ARHGEF38: variants seen among roughly 807,000 people sequenced by gnomAD.
ARHGEF38 encodes the protein Rho guanine nucleotide exchange factor 38.
Under a neutral mutation model 79.9 loss-of-function variants are expected in ARHGEF38, and 79 were observed. That is an observed-to-expected ratio of 0.99 (90% CI 0.82 to 1.19). The LOEUF (loss-of-function observed/expected upper bound fraction) is 1.19, where lower values mean the gene tolerates loss of function less well. Ranked by LOEUF, ARHGEF38 falls within the 50% of genes most tolerant of loss-of-function variation. ARHGEF38 has a pLI of 0.00. For synonymous variants in ARHGEF38, 366 were observed against 328.3 expected (o/e 1.11, Z -1.24); for missense variants, 962 against 907.2 (o/e 1.06, Z -0.78).
intron 1 of ARHGEF38, among the ~76,000 whole-genome samples, chr4:105,565,747 C>T (rs1194463743): frequency 6.6e-6 from 1 of 152,082 alleles, no homozygotes; most frequent in Non-Finnish European, 1.5e-5. Flanking sequence ...CAGAACTTAT[C>T]ACCTTATCTC....
rs78722174 is a variant in ARHGEF38 at position 105,630,221 on chromosome 4, C to T, written c.509-677C>T. On this transcript the variant is annotated intron_variant, in intron 3 of 13. Transcript: ENST00000420470. ...GTCTGTAGCACAGCCTGACTCAAATCCGTGCACACCAACTCTAAACTGCAA... is the reference window on the plus strand; with the variant it reads ...GTCTGTAGCACAGCCTGACTCAAATTCGTGCACACCAACTCTAAACTGCAA... Among the ~76,000 whole-genome samples, 1,150 of 151,784 alleles carry T rather than the reference C, an allele frequency of 7.6e-3. 6 individuals are homozygous for T. The highest frequency in any genetic ancestry group is 0.012 in the Non-Finnish European group (842 of 67,948).
At chr4:105,613,732 G>T (rs1344764543) in intron 3 of ARHGEF38, among the ~76,000 whole-genome samples, 2 of 151,676 alleles carry the variant, frequency 1.3e-5, no homozygotes, top group Non-Finnish European at 2.9e-5. Flanking sequence ...CATACCATTT[G>T]CTTTTTAATT....
intron 7 of ARHGEF38, among the ~76,000 whole-genome samples, chr4:105,650,716 G>A (rs1241409512): frequency 1.3e-5 from 2 of 152,116 alleles, no homozygotes; most frequent in Admixed American, 1.3e-4. Flanking sequence ...TCTTGTGACT[G>A]TACCAAATTT....
intron 13 of ARHGEF38, among the ~76,000 whole-genome samples, chr4:105,674,411 A>G (rs1245445419): frequency 6.6e-6 from 1 of 152,162 alleles, no homozygotes; most frequent in Non-Finnish European, 1.5e-5. Context: ...CCTGGACCAA[A>G]ACATATTAGC....
chr4:105,624,811 A>T (rs1471183764), intron 3 of ARHGEF38, among the ~76,000 whole-genome samples: 1 of 152,174 alleles, frequency 6.6e-6, no homozygotes, highest in Non-Finnish European at 1.5e-5. Flanking sequence ...CAACCCTTGA[A>T]CTTGGGGTGA....
At chr4:105,622,374 G>T (rs1298445728) in intron 3 of ARHGEF38, among the ~76,000 whole-genome samples, 2 of 152,170 alleles carry the variant, frequency 1.3e-5, no homozygotes, top group Non-Finnish European at 2.9e-5. Flanking sequence ...CACTTTCCCA[G>T]CCTCCAGGAA....
At chr4:105,653,561 T>C (rs962374992) in intron 7 of ARHGEF38, among the ~76,000 whole-genome samples, 3 of 152,168 alleles carry the variant, frequency 2.0e-5, no homozygotes, top group Non-Finnish European at 4.4e-5. Flanking sequence ...GACCTCGTGA[T>C]CCGCCCGCCT....
chr4:105,616,923 TCAGACAA>T (rs1399168907), intron 3 of ARHGEF38, among the ~76,000 whole-genome samples: 2 of 152,234 alleles, frequency 1.3e-5, no homozygotes, highest in African/African-American at 4.8e-5. Context: ...CTCATTTAGG[TCAGACAA>T]CAGTTTTCCT....
chr4:105,620,215 G>A (rs1382159118), intron 3 of ARHGEF38, among the ~76,000 whole-genome samples: 3 of 152,192 alleles, frequency 2.0e-5, no homozygotes, highest in African/African-American at 7.2e-5. Flanking sequence ...AGTATGAAAT[G>A]TGGCTCTTGT....
At chr4:105,590,063 AAAAG>A (rs1192988508) in intron 2 of ARHGEF38, among the ~76,000 whole-genome samples, 18 of 133,820 alleles carry the variant, frequency 1.3e-4, no homozygotes, top group Admixed American at 1.1e-3. Flanking sequence ...GAAAGAAAGA[AAAAG>A]AAAGAAAGAA....
rs1422924506 is a variant in ARHGEF38 at position 105,678,448 on chromosome 4, C to T, written c.*511C>T. 1.3e-5 allele frequency: 2 copies of T among 151,930 alleles called. No individual in the cohort carries two copies. The highest frequency in any genetic ancestry group is 2.1e-4 in the South Asian group (1 of 4,826). The allele number at this position is 151,930 out of a possible 1,614,324, so 9.4% of individuals were successfully genotyped here. On this transcript the variant is annotated 3_prime_UTR_variant, in exon 14 of 14. Coordinates refer to ENST00000420470, the MANE Select transcript of ARHGEF38 (RefSeq NM_001242729.2). ...CTATATGTATAAATCAGAGTATACA[C>T]CAAATATACATAAGAAGAATATACC...
rs1729962833 is a variant in ARHGEF38 at position 105,648,779 on chromosome 4, T to C, written c.1008+97T>C. The stretch of plus-strand genomic sequence containing the variant: ...TTTGTGAGGACTATTTCTAGAATAC[T>C]GAGAATCAAGGTAATTGCCCTATGC... On this transcript the variant is annotated intron_variant, in intron 7 of 13. Coordinates refer to ENST00000420470, the MANE Select transcript of ARHGEF38 (RefSeq NM_001242729.2). 1.5e-5 allele frequency: 19 copies of C among 1,272,686 alleles called. No homozygotes were observed. In the South Asian group the frequency reaches 3.1e-4, roughly 21 times the overall value. 78.8% of individuals were successfully genotyped at this position (1,272,686 alleles called of 1,614,324 possible).
chr4:105,648,498 A>G (rs1345825546), intron 6 of ARHGEF38, 51 bp from the exon 7 acceptor site: 2 of 1,416,250 alleles, frequency 1.4e-6, no homozygotes, highest in Admixed American at 5.7e-5. Flanking sequence ...TGAAGTGCAC[A>G]CTTTCTATGC....
chr4:105,641,674 AT>A (rs1245625041), intron 5 of ARHGEF38, among the ~76,000 whole-genome samples: 10 of 151,864 alleles, frequency 6.6e-5, no homozygotes, highest in Non-Finnish European at 1.3e-4. Flanking sequence ...TTTTTTATGT[AT>A]TTTTTCCTTC....
chr4:105,576,839 A>G (rs1578270867), intron 1 of ARHGEF38, among the ~76,000 whole-genome samples: 1 of 152,032 alleles, frequency 6.6e-6, no homozygotes, highest in African/African-American at 2.4e-5. Context: ...GCTGAATTTT[A>G]TTGAGTGCTT....
intron 5 of ARHGEF38, 49 bp downstream of exon 5, chr4:105,636,469 A>G: frequency 3.0e-6 from 1 of 336,880 alleles, no homozygotes; most frequent in South Asian, 6.3e-5. Flanking sequence ...ATCACGAGAA[A>G]ATGCAGCTGA....
chr4:105,664,134 C>G (rs1381719790), intron 10 of ARHGEF38, among the ~76,000 whole-genome samples: 4 of 152,176 alleles, frequency 2.6e-5, no homozygotes, highest in Admixed American at 6.5e-5. Context: ...AGATCCTGCT[C>G]TCAATTATTT....
At chr4:105,598,321 T>C (rs566652705) in intron 2 of ARHGEF38, among the ~76,000 whole-genome samples, 1 of 152,192 alleles carries the variant, frequency 6.6e-6, no homozygotes, top group Non-Finnish European at 1.5e-5. Context: ...AGTACAGATA[T>C]CCAAACCAGG....
At chr4:105,628,168 T>C (rs1183764059) in intron 3 of ARHGEF38, among the ~76,000 whole-genome samples, 1 of 152,260 alleles carries the variant, frequency 6.6e-6, no homozygotes, top group Non-Finnish European at 1.5e-5. Flanking sequence ...AGCTCTTCTT[T>C]GTTTTTTGAC....
Sources: gnomAD v4.1 joint callset for allele counts (sites outside exome capture counted in the v4.1 genomes callset) on GRCh38, gnomAD v4.1.1 for gene constraint, MANE v1.5 for transcripts, NCBI Gene and HGNC (gene_info 2026-07-23, HGNC 2026-07-21) for gene names.